The following RELCH variants were observed in gnomAD, a reference collection of about 807,000 sequenced individuals.
RELCH encodes RAB11-binding protein RELCH.
In RELCH, 41 loss-of-function variants were observed where a neutral mutation model predicts 150.3. The observed-to-expected ratio is 0.27, with a 90% confidence interval of 0.21 to 0.35. RELCH has a LOEUF of 0.35. Ranked by LOEUF, RELCH falls within the 10% of genes least tolerant of loss-of-function variation. The pLI, the probability that RELCH is intolerant of heterozygous loss-of-function variation, is 1.00. For synonymous variants in RELCH, 478 were observed against 531.8 expected (o/e 0.90, Z 1.39); for missense variants, 1,092 against 1,467.8 (o/e 0.74, Z 4.18).
chr18:62,265,952 CT>C (rs1555742661), intron 18 of RELCH, among the ~76,000 whole-genome samples: 1 of 151,800 alleles, frequency 6.6e-6, no homozygotes, highest in Non-Finnish European at 1.5e-5. Context: ...GTATTTTTCA[CT>C]AGCATTCAGT....
intron 5 of RELCH, among the ~76,000 whole-genome samples, chr18:62,225,917 C>A (rs1183067310): frequency 6.6e-6 from 1 of 151,754 alleles, no homozygotes; most frequent in Non-Finnish European, 1.5e-5. Flanking sequence ...ATATTTTACT[C>A]ATTTTACAGA....
chr18:62,192,085 A>G (rs932402908), intron 1 of RELCH, among the ~76,000 whole-genome samples: 1 of 152,198 alleles, frequency 6.6e-6, no homozygotes, highest in Admixed American at 6.5e-5. Context: ...AATAATCACC[A>G]TTCTGACTGG....
intron 27 of RELCH, among the ~76,000 whole-genome samples, chr18:62,294,144 G>A (rs1334901646): frequency 6.6e-6 from 1 of 152,068 alleles, no homozygotes; most frequent in Non-Finnish European, 1.5e-5. Context: ...GATATTTCCA[G>A]TATTTTGTTA....
chr18:62,257,122 G>T (rs780902022), intron 13 of RELCH, among the ~76,000 whole-genome samples: 7 of 151,976 alleles, frequency 4.6e-5, no homozygotes, highest in Non-Finnish European at 8.8e-5. Flanking sequence ...TATGTAAAAA[G>T]GACCTAAACA....
intron 22 of RELCH, among the ~76,000 whole-genome samples, chr18:62,278,990 C>A (rs984957935): frequency 3.9e-5 from 6 of 152,104 alleles, no homozygotes; most frequent in African/African-American, 1.4e-4. Context: ...ATTAAACTCT[C>A]ATTTCTTGAA....
chr18:62,246,581 G>A (rs1323659069), intron 11 of RELCH: 1 of 152,118 alleles, frequency 6.6e-6, no homozygotes, highest in South Asian at 2.1e-4. Flanking sequence ...CCATTTGAAG[G>A]GCCTGAGAAA....
At chr18:62,282,593 CT>C in intron 25 of RELCH, 149 bp downstream of exon 25, 1 of 736,728 alleles carries the variant, frequency 1.4e-6, no homozygotes, top group Non-Finnish European at 2.3e-6. Context: ...CTCTTGTGTA[CT>C]GAAAGCTAAA....
chr18:62,259,211 A>G (rs763304763), intron 15 of RELCH, among the ~76,000 whole-genome samples: 1 of 152,030 alleles, frequency 6.6e-6, no homozygotes, highest in Non-Finnish European at 1.5e-5. Context: ...TTTAGAGACT[A>G]GAAGAGAAAT....
intron 22 of RELCH, chr18:62,277,926 C>CT: frequency 1.2e-6 from 1 of 836,402 alleles, no homozygotes. Context: ...AGGTCATGGA[C>CT]TTTAAGTCAG....
chr18:62,267,537 C>T (rs867730032), intron 19 of RELCH, among the ~76,000 whole-genome samples: 3 of 142,904 alleles, frequency 2.1e-5, no homozygotes, highest in Non-Finnish European at 4.6e-5. Flanking sequence ...TATATATATA[C>T]ACACACCTTA....
intron 27 of RELCH, among the ~76,000 whole-genome samples, chr18:62,292,388 T>TCTTA (rs1342503562): frequency 6.6e-6 from 1 of 152,208 alleles, no homozygotes; most frequent in Non-Finnish European, 1.5e-5. Context: ...CCTGTTTTTT[T>TCTTA]CTTACTTCTC....
Position 62,264,781 on chromosome 18 carries a change from T to C in RELCH, c.2560T>C (p.Cys854Arg). The change falls in exon 18 of 29, where the codon TGT becomes CGT. Residue 854 changes from cysteine to arginine, a missense_variant. Physicochemically the swap from Cys to Arg is radical, Grantham distance 180. Coordinates refer to ENST00000644646, the MANE Select transcript of RELCH (RefSeq NM_001346231.2). ...CAAAATTAATGTTACTTCAACTGCC[T>C]GTGTCCATGAATTCTCCAGATTTTT... Reference protein sequence around the residue: ...VGKINVTSTACVHEFSRFFWR... With the variant: ...VGKINVTSTARVHEFSRFFWR... 3 of 1,607,636 alleles carry C rather than the reference T, an allele frequency of 1.9e-6. No homozygotes were observed. Among genetic ancestry groups the C allele is most frequent in the Non-Finnish European group, 2.6e-6 (3 of 1,175,826 alleles).
At position 62,287,422 on chromosome 18, in the gene RELCH, A is replaced by G. The variant is rs1457466444; in HGVS notation, c.3325A>G (p.Ile1109Val). Reference sequence around the variant, plus strand: ...GATTGTGGATTCTAAAAGACTGGACATTGCTACGCATCTTTTTGAAGCCTA... The same window carrying G: ...GATTGTGGATTCTAAAAGACTGGACGTTGCTACGCATCTTTTTGAAGCCTA... ...LQIVDSKRLD[I>V]ATHLFEAYSA... The change falls in exon 26 of 29, where the codon ATT (isoleucine) becomes GTT (valine). Residue 1109 changes from isoleucine (I) to valine (V), a missense_variant. Ile to Val is a conservative substitution (Grantham distance 29). Around this residue, in one of 4 missense-constraint regions of RELCH, gnomAD observed 707 missense variants for 1,025.4 expected, o/e 0.69. Transcript: ENST00000644646. 1 of 1,609,532 alleles carries G rather than the reference A, an allele frequency of 6.2e-7. No individual in the cohort carries two copies.
intron 2 of RELCH, among the ~76,000 whole-genome samples, chr18:62,218,285 C>T (rs926740738): frequency 6.6e-6 from 1 of 151,788 alleles, no homozygotes; most frequent in African/African-American, 2.4e-5. Context: ...TTGATTGGAA[C>T]TCATCAATAA....
intron 10 of RELCH, among the ~76,000 whole-genome samples, chr18:62,239,143 G>C (rs2042016361): frequency 6.6e-6 from 1 of 152,058 alleles, no homozygotes; most frequent in Non-Finnish European, 1.5e-5. Context: ...TGGCATGTGT[G>C]CATATTTAAT....
rs1186535484 is a variant in RELCH, at chr18:62,309,364, T to C, written c.*3830T>C. 2 of 152,176 alleles carry C rather than the reference T, an allele frequency of 1.3e-5. No homozygotes were observed. The highest frequency in any genetic ancestry group is 1.3e-4 in the Admixed American group (2 of 15,278). The allele number at this position is 152,176 out of a possible 1,614,324, so 9.4% of individuals were successfully genotyped here. A position where few individuals can be genotyped will look rare whatever the true frequency, so the allele number is the denominator to read the frequency against. ...TGCGTAAGAATGTGTTCTGTATGCA[T>C]TTTGTGTGTGAGCCTACACTGTGAT... On this transcript the variant is annotated 3_prime_UTR_variant, in exon 29 of 29. Coordinates refer to ENST00000644646, the MANE Select transcript of RELCH (RefSeq NM_001346231.2).
rs1378937295 is a variant in RELCH, at chr18:62,261,666, A to G, written c.2350+8A>G. On this transcript the variant is annotated splice_region_variant and intron_variant, in intron 16 of 28. Transcript: ENST00000644646. Reference sequence around the variant, plus strand: ...AAGTGCCACAGATAGAAGGTACTGAACTTAAATTCTGGAAGAAAAATGTAG... The same window carrying G: ...AAGTGCCACAGATAGAAGGTACTGAGCTTAAATTCTGGAAGAAAAATGTAG... The G allele has an allele frequency of 2.5e-6, 4 of 1,597,564 alleles. No individual in the cohort carries two copies. Among genetic ancestry groups the G allele is most frequent in the Non-Finnish European group, 8.5e-7 (1 of 1,172,432 alleles).
intron 5 of RELCH, 89 bp from the exon 6 acceptor site, chr18:62,227,200 A>C (rs1237984684): frequency 7.7e-6 from 7 of 903,244 alleles, no homozygotes; most frequent in Non-Finnish European, 1.2e-5. Flanking sequence ...GATCTTAAAA[A>C]AAAAAAAGAT....
intron 27 of RELCH, among the ~76,000 whole-genome samples, chr18:62,292,614 G>C (rs1014721858): frequency 6.6e-6 from 1 of 152,110 alleles, no homozygotes; most frequent in Non-Finnish European, 1.5e-5. Context: ...TGTCCTACAG[G>C]CATCATTTAA....
Sources: gnomAD v4.1 joint callset for allele counts (sites outside exome capture counted in the v4.1 genomes callset) on GRCh38, gnomAD v4.1.1 for gene constraint, gnomAD v4.1.1 regional missense constraint, MANE v1.5 for transcripts, NCBI Gene and HGNC (gene_info 2026-07-23, HGNC 2026-07-21) for gene names.